Variants in CTNNBL1 observed in about 807,000 individuals in gnomAD.
The protein encoded by CTNNBL1 is catenin beta like 1, also known as beta-catenin-like protein 1.
Under a neutral mutation model 72.7 loss-of-function variants are expected in CTNNBL1, and 31 were observed. The observed-to-expected ratio is 0.43, with a 90% CI of 0.32 to 0.58. CTNNBL1 has a LOEUF of 0.58. CTNNBL1 is among the 20% of genes least tolerant of loss of function. The pLI is 0.08. For missense variants in CTNNBL1, 534 were observed against 725.1 expected, an observed-to-expected ratio of 0.74 and a Z score of 3.03; for synonymous variants, 240 against 267.3, an observed-to-expected ratio of 0.90 and a Z score of 1.00.
intron 10 of CTNNBL1, among the ~76,000 whole-genome samples, chr20:37,786,591 A>T (rs915988249): frequency 6.6e-6 from 1 of 152,110 alleles, no homozygotes; most frequent in Admixed American, 6.5e-5. Context: ...ATAAATATGC[A>T]TATGTGTATT....
intron 10 of CTNNBL1, among the ~76,000 whole-genome samples, chr20:37,785,690 A>C (rs1200611551): frequency 6.6e-6 from 1 of 152,138 alleles, no homozygotes; most frequent in Non-Finnish European, 1.5e-5. Context: ...CGCTATTTTG[A>C]ATTTTTTATC....
chr20:37,800,254 T>C (rs2073812762), intron 10 of CTNNBL1, among the ~76,000 whole-genome samples: 1 of 152,220 alleles, frequency 6.6e-6, no homozygotes. Flanking sequence ...CTCCCTTGTT[T>C]ATCTTTGGTC....
chr20:37,737,309 A>G, intron 2 of CTNNBL1, 69 bp from the exon 3 acceptor site: 2 of 1,064,628 alleles, frequency 1.9e-6, no homozygotes, highest in Non-Finnish European at 1.4e-6. Context: ...TAAGAGCCAC[A>G]GGAAAGTAGT....
At chr20:37,704,562 T>G (rs560819905) in intron 1 of CTNNBL1, among the ~76,000 whole-genome samples, 3 of 151,302 alleles carry the variant, frequency 2.0e-5, no homozygotes, top group African/African-American at 7.3e-5. Flanking sequence ...AAAAAAAAAA[T>G]TTGCTGGGTT....
At chr20:37,817,600 A>C (rs1418929449) in intron 11 of CTNNBL1, among the ~76,000 whole-genome samples, 1 of 152,206 alleles carries the variant, frequency 6.6e-6, no homozygotes, top group Non-Finnish European at 1.5e-5. Flanking sequence ...CACTGATCCC[A>C]GATTCCTCAT....
chr20:37,726,169 TCA>T (rs1322524360), intron 1 of CTNNBL1, among the ~76,000 whole-genome samples: 10 of 152,302 alleles, frequency 6.6e-5, no homozygotes. Context: ...AAAATTGACT[TCA>T]AAACTCATTC....
intron 5 of CTNNBL1, among the ~76,000 whole-genome samples, chr20:37,760,411 T>C (rs114457883): frequency 0.012 from 1,852 of 152,310 alleles, 40 homozygotes; most frequent in African/African-American, 0.042. Context: ...CTCATCCCTT[T>C]ATCTCTTCCC....
At chr20:37,744,940 C>T (rs2073249572) in intron 3 of CTNNBL1, among the ~76,000 whole-genome samples, 1 of 152,030 alleles carries the variant, frequency 6.6e-6, no homozygotes, top group African/African-American at 2.4e-5. Context: ...TGCCTTATAT[C>T]ATACACTGAA....
At chr20:37,745,156 T>C (rs2073251735) in intron 3 of CTNNBL1, among the ~76,000 whole-genome samples, 1 of 152,186 alleles carries the variant, frequency 6.6e-6, no homozygotes, top group African/African-American at 2.4e-5. Flanking sequence ...AGAAAAACAG[T>C]AATAGAAATT....
At chr20:37,702,793 T>G (rs2072855304) in intron 1 of CTNNBL1, among the ~76,000 whole-genome samples, 1 of 152,228 alleles carries the variant, frequency 6.6e-6, no homozygotes, top group Non-Finnish European at 1.5e-5. Context: ...TACTAAACTG[T>G]AGACTTAGAG....
intron 15 of CTNNBL1, among the ~76,000 whole-genome samples, chr20:37,862,170 T>A (rs533372370): frequency 3.9e-5 from 6 of 152,174 alleles, no homozygotes; most frequent in Non-Finnish European, 7.3e-5. Context: ...GGGGGCTTCT[T>A]CTCATTCTCA....
chr20:37,765,280 C>T lies in CTNNBL1; in HGVS notation c.648C>T (p.His216=). The change falls in exon 6 of 16, where the codon CAC becomes CAT. Residue 216 remains histidine, a synonymous_variant. Transcript: ENST00000361383. Reference sequence around the variant, plus strand: ...TGAAAGAGGAGGCAGATGGCGTCCACAACACTCTGGGTGAGAGGAAGGGTG... The same window carrying T: ...TGAAAGAGGAGGCAGATGGCGTCCATAACACTCTGGGTGAGAGGAAGGGTG... ...ESVKEEADGV[H]NTLAIVENMA... is the part of the protein sequence containing the mutation. 2 of 1,549,744 alleles carry T rather than the reference C, an allele frequency of 1.3e-6. No individual in the cohort carries two copies. Among genetic ancestry groups the T allele is most frequent in the Non-Finnish European group, 1.7e-6 (2 of 1,145,232 alleles).
In CTNNBL1 at chr20:37,710,705, A is replaced by T. The variant is rs556449034; in HGVS notation, c.30+16553A>T. On this transcript the variant is annotated intron_variant, in intron 1 of 15. Coordinates refer to ENST00000361383, the MANE Select transcript of CTNNBL1 (RefSeq NM_030877.5). ...CTGTGGGGTGCTCCTTTCTTTCATG[A>T]TGCTTATCTTTCTGGAAGGTAGCCA... is the stretch of plus-strand genomic sequence containing the variant. Among the ~76,000 whole-genome samples, 17 of 152,134 alleles carry T rather than the reference A, an allele frequency of 1.1e-4. 1 individual carries two copies. The East Asian group carries it at 3.3e-3, about 29-fold the overall frequency.
chr20:37,806,401 G>T (rs1220686071), intron 11 of CTNNBL1, among the ~76,000 whole-genome samples: 1 of 152,192 alleles, frequency 6.6e-6, no homozygotes, highest in Non-Finnish European at 1.5e-5. Flanking sequence ...GAAAGGAGAG[G>T]TTTGTTGATG....
In CTNNBL1 at chr20:37,776,122, A is replaced by G. The variant is rs1290978287; in HGVS notation, c.751-1223A>G. Among the ~76,000 whole-genome samples the G allele has an allele frequency of 2.0e-5, 3 of 152,286 alleles. No homozygotes were observed. The East Asian group carries it at 5.8e-4, about 29-fold the overall frequency. ...CACAGGTTGCATTTAAGCCCTGACT[A>G]TTATGCTGAATTTCTTGAAACAAGG... is the stretch of plus-strand genomic sequence containing the variant. On this transcript the variant is annotated intron_variant, in intron 7 of 15. Coordinates refer to ENST00000361383, the MANE Select transcript of CTNNBL1 (RefSeq NM_030877.5).
At chr20:37,747,205 C>T (rs2073273865) in intron 4 of CTNNBL1, among the ~76,000 whole-genome samples, 2 of 151,942 alleles carry the variant, frequency 1.3e-5, no homozygotes. Context: ...TAGCGAAACC[C>T]TATCTCTAAA....
intron 15 of CTNNBL1, among the ~76,000 whole-genome samples, chr20:37,861,517 T>G (rs562372635): frequency 6.6e-4 from 101 of 152,340 alleles, no homozygotes; most frequent in Non-Finnish European, 1.0e-3. Flanking sequence ...AGTGTTCACC[T>G]CGGGCCCTCA....
At chr20:37,716,364 C>T (rs118091387) in intron 1 of CTNNBL1, among the ~76,000 whole-genome samples, 18 of 152,278 alleles carry the variant, frequency 1.2e-4, no homozygotes, top group African/African-American at 3.4e-4. Flanking sequence ...GTGGCCAAGA[C>T]GCATTTGCCC....
At chr20:37,819,408 T>C (rs886341471) in intron 11 of CTNNBL1, among the ~76,000 whole-genome samples, 1 of 152,242 alleles carries the variant, frequency 6.6e-6, no homozygotes, top group Non-Finnish European at 1.5e-5. Flanking sequence ...TATTCACCTG[T>C]ACATTTTCCT....
Sources: gnomAD v4.1 joint callset for allele counts (sites outside exome capture counted in the v4.1 genomes callset) on GRCh38, gnomAD v4.1.1 for gene constraint, MANE v1.5 for transcripts, NCBI Gene and HGNC (gene_info 2026-07-23, HGNC 2026-07-21) for gene names.